XBP1: variants seen among roughly 807,000 people sequenced by gnomAD.
XBP1 encodes the protein X-box binding protein 1.
A neutral mutation model predicts 34.6 loss-of-function variants in XBP1; 18 were observed. That is an observed-to-expected ratio of 0.52 (90% CI 0.36 to 0.77). The LOEUF (loss-of-function observed/expected upper bound fraction) is 0.77, where lower values mean the gene tolerates loss of function less well. Ranked by LOEUF, XBP1 falls within the 30% of genes least tolerant of loss-of-function variation. XBP1 has a pLI of 0.00. For synonymous variants in XBP1, 191 were observed against 193.4 expected (o/e 0.99, Z 0.11); for missense variants, 422 against 464.6 (o/e 0.91, Z 0.84).
chr22:28,797,280 T>C, intron 2 of XBP1, 75 bp from the exon 3 acceptor site: 2 of 1,519,826 alleles, frequency 1.3e-6, no homozygotes, highest in Non-Finnish European at 8.9e-7. Flanking sequence ...TCAGTATAAT[T>C]GGTTTCCTTT....
chr22:28,795,543 G>C (rs372216304), exon 6 of XBP1: 5 of 1,614,036 alleles, frequency 3.1e-6, no homozygotes, highest in South Asian at 2.2e-5. Flanking sequence ...TGGTCAAAAC[G>C]AATTAGTTCA....
At chr22:28,795,716 C>A in exon 6 of XBP1, 1 of 1,539,726 alleles carries the variant, frequency 6.5e-7, no homozygotes. Context: ...GTCCAGAATG[C>A]CCAACAGGAT....
At chr22:28,799,000 C>T in intron 2 of XBP1, 57 bp downstream of exon 2, 1 of 1,395,928 alleles carries the variant, frequency 7.2e-7, no homozygotes, top group Non-Finnish European at 1.0e-6. Flanking sequence ...AATATCAGAA[C>T]ATTCACCAAG....
intron 2 of XBP1, among the ~76,000 whole-genome samples, chr22:28,798,559 T>C (rs1158953492): frequency 6.6e-6 from 1 of 151,830 alleles, no homozygotes; most frequent in African/African-American, 2.4e-5. Context: ...TCTACCCACC[T>C]TGGCCTCCCA....
In XBP1 at chr22:28,800,063, A is replaced by G. The variant is rs2031843650; in HGVS notation, c.227+235T>C. The G allele has an allele frequency of 1.4e-5, 11 of 769,852 alleles. No individual in the cohort carries two copies. In the East Asian group the frequency reaches 2.7e-4, roughly 19 times the overall value. 47.7% of individuals were successfully genotyped at this position (769,852 alleles called of 1,614,324 possible). A position where few individuals can be genotyped will look rare whatever the true frequency, so the allele number is the denominator to read the frequency against. Reference sequence around the variant, plus strand: ...CCCAGCTCTGGTCATCTCTAACGAGAGAGTTAAAAAGTACAGAAAAGAGCC... The same window carrying G: ...CCCAGCTCTGGTCATCTCTAACGAGGGAGTTAAAAAGTACAGAAAAGAGCC... On this transcript the variant is annotated intron_variant, in intron 1 of 5. Coordinates refer to ENST00000344347, the Ensembl canonical transcript of XBP1.
At chr22:28,800,171 C>T in intron 1 of XBP1, 127 bp downstream of exon 1, 1 of 1,162,156 alleles carries the variant, frequency 8.6e-7, no homozygotes, top group South Asian at 1.4e-5. Flanking sequence ...GGCACCGACC[C>T]GCCAGGCCAA....
At chr22:28,800,156 A>T in intron 1 of XBP1, 142 bp downstream of exon 1, 1 of 997,886 alleles carries the variant, frequency 1.0e-6, no homozygotes, top group Non-Finnish European at 1.5e-6. Flanking sequence ...GCCCCGCGCC[A>T]CGCTGGCACC....
exon 6 of XBP1, chr22:28,795,630 G>A: frequency 6.2e-7 from 1 of 1,613,074 alleles, no homozygotes; most frequent in Non-Finnish European, 8.5e-7. Flanking sequence ...GGTCCTTCTG[G>A]GTAGACCTCT....
chr22:28,796,411 T>G (rs2031753458), intron 3 of XBP1: 1 of 412,366 alleles, frequency 2.4e-6, no homozygotes, highest in Non-Finnish European at 4.2e-6. Context: ...AGGAAAAATG[T>G]TTCATTGTGC....
At chr22:28,798,932 T>C in intron 2 of XBP1, 125 bp downstream of exon 2, 1 of 752,854 alleles carries the variant, frequency 1.3e-6, no homozygotes. Context: ...AGTTTAACTT[T>C]TAATCATATA....
chr22:28,800,567 A>AGCGCGCCCGGCCTCGCC, upstream of XBP1: 1 of 1,459,580 alleles, frequency 6.9e-7, no homozygotes, highest in African/African-American at 1.5e-5. Flanking sequence ...GCAGCCGCCC[A>AGCGCGCCCGGCCTCGCC]GCGCCCAGCC....
In XBP1 at chr22:28,800,356, G is replaced by A; in HGVS notation, c.169C>T (p.Gln57Ter). The A allele has an allele frequency of 6.5e-7, 1 of 1,546,178 alleles. No homozygotes were observed. Among genetic ancestry groups the A allele is most frequent in the South Asian group, 1.2e-5 (1 of 83,622 alleles). ...GTGAGGCGCTGTCGCTTGCGCGCCT[G>A]GGGCAGCCCCCCGCTCGCTGCCTCC... The change falls in exon 1 of 6, where the codon CAG (glutamine) becomes TAG (stop). Residue 57 changes from glutamine (Q) to a stop codon, truncating the protein, a stop_gained. Transcript: ENST00000344347. LOFTEE classifies it high-confidence loss of function.
chr22:28,799,954 T>C (rs1445398053), intron 1 of XBP1: 2 of 779,278 alleles, frequency 2.6e-6, no homozygotes, highest in Admixed American at 1.7e-5. Flanking sequence ...AAACAGATTA[T>C]TCGACCTCAT....
chr22:28,799,023 A>G, intron 2 of XBP1, 34 bp downstream of exon 2: 1 of 1,557,142 alleles, frequency 6.4e-7, no homozygotes, highest in Non-Finnish European at 8.9e-7. Flanking sequence ...AGGGTATACA[A>G]TGGATAAAAG....
chr22:28,800,141 G>T, intron 1 of XBP1, 157 bp downstream of exon 1: 1 of 876,440 alleles, frequency 1.1e-6, no homozygotes, highest in Non-Finnish European at 1.8e-6. Flanking sequence ...CGGGCTTCCT[G>T]CCCCGCCCCG....
chr22:28,797,778 A>G (rs968211416), intron 2 of XBP1, among the ~76,000 whole-genome samples: 1 of 151,596 alleles, frequency 6.6e-6, no homozygotes, highest in African/African-American at 2.4e-5. Flanking sequence ...GTGAGACTCC[A>G]TCTCAAAATA....
chr22:28,799,952 T>G (rs767796007), intron 1 of XBP1: 1 of 779,160 alleles, frequency 1.3e-6, no homozygotes, highest in Non-Finnish European at 2.4e-6. Flanking sequence ...CAAAACAGAT[T>G]ATTCGACCTC....
In XBP1 at chr22:28,795,995, A is replaced by G. The variant is rs557568761; in HGVS notation, c.573+52T>C. 6.8e-6 allele frequency: 11 copies of G among 1,608,844 alleles called. No homozygotes were observed. In the African/African-American group the frequency reaches 1.1e-4, roughly 16 times the overall value. On this transcript the variant is annotated intron_variant, in intron 5 of 5. Coordinates refer to ENST00000344347, the Ensembl canonical transcript of XBP1. ...TAGTTAGGGATGTCAAGCATCAAAC[A>G]GATGGAATTAACTGGTTATATAGCT...
intron 5 of XBP1, 123 bp from the exon 6 acceptor site, chr22:28,795,855 C>A: frequency 1.7e-6 from 2 of 1,206,508 alleles, no homozygotes; most frequent in Middle Eastern, 2.8e-4. Context: ...GACCTCGGGA[C>A]CCACCAGACC....
Sources: allele counts gnomAD v4.1 joint callset (sites outside exome capture counted in the v4.1 genomes callset), GRCh38; gene constraint gnomAD v4.1.1; transcripts MANE v1.5; gene names NCBI Gene and HGNC (gene_info 2026-07-23, HGNC 2026-07-21).